The following MLPH variants were observed in gnomAD, a reference collection of about 807,000 sequenced individuals.
The protein encoded by MLPH is melanophilin.
In MLPH, 51 loss-of-function variants were observed where a neutral mutation model predicts 72.1. The ratio of observed to expected loss-of-function variants is 0.71; its 90% CI spans 0.56 to 0.89. The LOEUF (loss-of-function observed/expected upper bound fraction) is 0.89. MLPH is among the 40% of genes least tolerant of loss of function. MLPH has a pLI of 0.00. For synonymous variants in MLPH, 301 were observed against 310.1 expected (o/e 0.97, Z 0.31); for missense variants, 743 against 759.9 (o/e 0.98, Z 0.26).
At chr2:237,531,747 C>T (rs2080424241) in intron 8 of MLPH, among the ~76,000 whole-genome samples, 1 of 152,106 alleles carries the variant, frequency 6.6e-6, no homozygotes, top group South Asian at 2.1e-4. Context: ...AAAAGCTTGA[C>T]AGTGGCCACC....
Position 237,521,807 on chromosome 2 carries a change from C to T in MLPH, c.675+1778C>T, listed in dbSNP as rs10198585. On this transcript the variant is annotated intron_variant, in intron 6 of 15. Transcript: ENST00000264605. The stretch of plus-strand genomic sequence containing the variant: ...ACCTGCTATGACTATAGTGCTGGAG[C>T]GGAGCAGGGCTGAGACTGGGGTTGG... 6.9e-3 allele frequency among the ~76,000 whole-genome samples: 801 copies of T among 116,164 alleles called. 14 individuals are homozygous for T. Among genetic ancestry groups the T allele is most frequent in the African/African-American group, 0.043 (738 of 17,200 alleles). 76.2% of individuals were successfully genotyped at this position (116,164 alleles called of 152,430 possible).
At chr2:237,509,238 A>G (rs780807806) in intron 2 of MLPH, among the ~76,000 whole-genome samples, 3 of 152,190 alleles carry the variant, frequency 2.0e-5, no homozygotes, top group Non-Finnish European at 2.9e-5. Flanking sequence ...AGCCTCTGAA[A>G]TATATCAGCC....
At chr2:237,511,208 G>T in intron 4 of MLPH, 107 bp downstream of exon 4, 1 of 844,164 alleles carries the variant, frequency 1.2e-6, no homozygotes, top group Non-Finnish European at 2.0e-6. Flanking sequence ...GTGTGTGCAT[G>T]TGTGTGTGCA....
chr2:237,495,717 T>C (rs2079521676), intron 2 of MLPH, among the ~76,000 whole-genome samples: 1 of 152,096 alleles, frequency 6.6e-6, no homozygotes, highest in African/African-American at 2.4e-5. Context: ...TGGATTTCAT[T>C]ATAGCCCAGG....
At chr2:237,504,923 C>T (rs78358347) in intron 2 of MLPH, among the ~76,000 whole-genome samples, 10,188 of 152,280 alleles carry the variant, frequency 0.067, 458 homozygotes, top group Non-Finnish European at 0.11. Flanking sequence ...TCTGCTCCCC[C>T]TCGTGAGACC....
At chr2:237,528,755 C>T (rs1027072383) in intron 8 of MLPH, among the ~76,000 whole-genome samples, 1 of 152,172 alleles carries the variant, frequency 6.6e-6, no homozygotes, top group Admixed American at 6.5e-5. Flanking sequence ...GCAGTTACTT[C>T]CCAGTCTCCC....
chr2:237,524,322 A>ATATATATATATATATATATATAT, intron 6 of MLPH, among the ~76,000 whole-genome samples: 1 of 110,198 alleles, frequency 9.1e-6, no homozygotes, highest in African/African-American at 6.8e-5. Flanking sequence ...TATATATATA[A>ATATATATATATATATATATATAT]AGGGGAGTTT....
intron 6 of MLPH, among the ~76,000 whole-genome samples, chr2:237,524,178 T>C (rs1251293370): frequency 6.6e-6 from 1 of 151,678 alleles, no homozygotes; most frequent in South Asian, 2.1e-4. Flanking sequence ...AATGCGATTA[T>C]TAGTAGTAAT....
chr2:237,536,742 C>T (rs1413138556), intron 9 of MLPH, among the ~76,000 whole-genome samples: 1 of 152,206 alleles, frequency 6.6e-6, no homozygotes, highest in Non-Finnish European at 1.5e-5. Flanking sequence ...CCTTCACCCC[C>T]TTCCTGCCCA....
At chr2:237,535,899 A>G (rs1342623128) in intron 9 of MLPH, among the ~76,000 whole-genome samples, 32 of 152,166 alleles carry the variant, frequency 2.1e-4, no homozygotes, top group Admixed American at 2.0e-3. Flanking sequence ...TGATCTTGAG[A>G]GGGGTCTCAT....
At position 237,541,346 on chromosome 2, in the gene MLPH, G is replaced by A. The variant is rs892487686; in HGVS notation, c.1446+389G>A. On this transcript the variant is annotated intron_variant, in intron 11 of 15. Transcript: ENST00000264605. This position sits in a 1 kb window ranked among gnomAD's most constrained non-coding sequence, Gnocchi z 5.1. ...CCATCTGTGAGTCTGAGTTGTGGCT[G>A]CAGAGCTTGAATCTGGGTGAGGAAC... is the stretch of plus-strand genomic sequence containing the variant. Among the ~76,000 whole-genome samples the A allele has an allele frequency of 2.6e-5, 4 of 152,222 alleles. No individual in the cohort carries two copies. The highest frequency in any genetic ancestry group is 4.4e-5 in the Non-Finnish European group (3 of 68,042).
chr2:237,518,697 G>C (rs762439657), intron 5 of MLPH, 49 bp downstream of exon 5: 4 of 1,441,442 alleles, frequency 2.8e-6, no homozygotes, highest in Admixed American at 1.8e-5. Context: ...ATTCCATCCC[G>C]CAGCTGGGAC....
At chr2:237,528,337 T>C (rs1448042383) in intron 8 of MLPH, among the ~76,000 whole-genome samples, 2 of 151,228 alleles carry the variant, frequency 1.3e-5, no homozygotes, top group Non-Finnish European at 2.9e-5. Flanking sequence ...CTTTAGTCTT[T>C]CAAAAAATTT....
chr2:237,490,855 C>G (rs946143492), intron 1 of MLPH, among the ~76,000 whole-genome samples: 2 of 152,218 alleles, frequency 1.3e-5, no homozygotes, highest in African/African-American at 4.8e-5. Context: ...TGTAAAGGAA[C>G]AGAGTTTGAA....
intron 8 of MLPH, among the ~76,000 whole-genome samples, chr2:237,529,481 T>C (rs11896232): frequency 0.36 from 55,091 of 152,182 alleles, 11,448 homozygotes; most frequent in African/African-American, 0.57. Flanking sequence ...GAGTTCCGCT[T>C]GCTGCATTTA....
At chr2:237,492,374 C>T (rs1038893630) in intron 1 of MLPH, among the ~76,000 whole-genome samples, 1 of 151,766 alleles carries the variant, frequency 6.6e-6, no homozygotes, top group Non-Finnish European at 1.5e-5. Flanking sequence ...CAGACAGGCA[C>T]CATGGCTCTT....
At chr2:237,535,390 A>C (rs1217987313) in intron 9 of MLPH, among the ~76,000 whole-genome samples, 2 of 152,108 alleles carry the variant, frequency 1.3e-5, no homozygotes, top group Admixed American at 6.5e-5. Flanking sequence ...AGTTCCCAAC[A>C]CATGAACTTT....
chr2:237,490,628 G>C (rs1202785791), intron 1 of MLPH, among the ~76,000 whole-genome samples: 1 of 152,142 alleles, frequency 6.6e-6, no homozygotes, highest in African/African-American at 2.4e-5. Context: ...TGGTCACACT[G>C]TCCATCCATT....
chr2:237,515,642 A>G (rs1263244470), intron 4 of MLPH, among the ~76,000 whole-genome samples: 1 of 152,198 alleles, frequency 6.6e-6, no homozygotes, highest in Non-Finnish European at 1.5e-5. Context: ...TCATAACTGC[A>G]GGAGTGCCTG....
Sources: gnomAD v4.1 joint callset for allele counts (sites outside exome capture counted in the v4.1 genomes callset) on GRCh38, gnomAD v4.1.1 for gene constraint, Gnocchi (gnomAD v3.1) non-coding constraint, MANE v1.5 for transcripts, NCBI Gene and HGNC (gene_info 2026-07-23, HGNC 2026-07-21) for gene names.